The following WT1 variants were observed in gnomAD, a reference collection of about 807,000 sequenced individuals.
WT1 encodes the protein WT1 transcription factor.
In WT1, 8 loss-of-function variants were observed where a neutral mutation model predicts 60.8. The ratio of observed to expected loss-of-function variants is 0.13; its 90% CI spans 0.08 to 0.24. The LOEUF is 0.24. Among genes scored for constraint, WT1 ranks in the 10% least tolerant of loss-of-function variants. WT1 has a pLI of 1.00. For synonymous variants in WT1, 312 were observed against 297.1 expected, an observed-to-expected ratio of 1.05 and a Z score of -0.52; for missense variants, 568 against 711.8, an observed-to-expected ratio of 0.80 and a Z score of 2.30.
At position 32,400,040 on chromosome 11, in the gene WT1, T is replaced by A. The variant is rs1852103616; in HGVS notation, c.1021A>T (p.Ser341Cys). 1 of 1,614,208 alleles carries A rather than the reference T, an allele frequency of 6.2e-7. No individual in the cohort carries two copies. The highest frequency in any genetic ancestry group is 2.2e-5 in the East Asian group (1 of 44,886). The change falls in exon 6 of 10, where the codon AGC (serine) becomes TGC (cysteine). Residue 341 changes from serine to cysteine, a missense_variant. By Grantham distance (112) the Ser-to-Cys change is moderately radical (BLOSUM62 -1). Around this residue, in one of 3 missense-constraint regions of WT1, gnomAD observed 523 missense variants for 565.1 expected, o/e 0.93. Transcript: ENST00000452863. ...TGGTTATCGCTCTCGTACCCTGTGC[T>A]GTGGCTGCAAACACAAAGAAGGGAA...
At chr11:32,411,072 C>T (rs1268565675) in intron 5 of WT1, among the ~76,000 whole-genome samples, 1 of 151,586 alleles carries the variant, frequency 6.6e-6, no homozygotes, top group African/African-American at 2.4e-5. Flanking sequence ...CTCCAATACA[C>T]ACACACACAC....
Position 32,416,556 on chromosome 11 carries a change from A to T in WT1, c.966-16T>A, listed in dbSNP as rs1224574539. ...AGCAGCAACTCTAGAAAAGAAGAAG[A>T]GGTGGGGAGTGGGGAATGGAGCATG... On this transcript the variant is annotated splice_polypyrimidine_tract_variant and intron_variant, in intron 4 of 9. Coordinates refer to ENST00000452863, the MANE Select transcript of WT1 (RefSeq NM_024426.6). 29 of 1,614,024 alleles carry T rather than the reference A, an allele frequency of 1.8e-5. No individual in the cohort carries two copies. Among genetic ancestry groups the T allele is most frequent in the South Asian group, 6.6e-5 (6 of 91,078 alleles).
chr11:32,407,054 G>A (rs566953936), intron 5 of WT1, among the ~76,000 whole-genome samples: 26 of 152,118 alleles, frequency 1.7e-4, no homozygotes, highest in South Asian at 4.2e-4. Flanking sequence ...AGCCAAGATC[G>A]TACCACTGCA....
Position 32,434,642 on chromosome 11 carries a change from G to A in WT1, c.661+58C>T, listed in dbSNP as rs5030138. The A allele has an allele frequency of 1.1e-3, 1,724 of 1,610,806 alleles. 10 individuals are homozygous for A. The African/African-American group carries it at 0.019, about 18-fold the overall frequency. ...GGGTAGGAGAGGGGGGTGTCCTAGA[G>A]CGGAGAGTCCCTGGCGCCACTGCCC... is the stretch of plus-strand genomic sequence containing the variant. On this transcript the variant is annotated intron_variant, in intron 1 of 9. Coordinates refer to ENST00000452863, the MANE Select transcript of WT1 (RefSeq NM_024426.6).
chr11:32,430,491 A>G lies in WT1; in HGVS notation c.662-1872T>C, dbSNP rs986232489. 9.4e-5 allele frequency: 147 copies of G among 1,561,526 alleles called. No individual in the cohort carries two copies. In the African/African-American group the frequency reaches 1.7e-3, roughly 18 times the overall value. On this transcript the variant is annotated intron_variant, in intron 1 of 9. Transcript: ENST00000452863. ...GAGAGAGAGAGAGAGAGAGAGAGAG[A>G]CGAAATAGAAGCTACGAAGAAGTTT...
intron 5 of WT1, among the ~76,000 whole-genome samples, chr11:32,407,303 A>C (rs1852344587): frequency 6.6e-6 from 1 of 152,222 alleles, no homozygotes; most frequent in Admixed American, 6.5e-5. Context: ...CTTCTTTAGA[A>C]ATGATTAACT....
In WT1 at chr11:32,418,018, T is replaced by C. The variant is rs1165805527; in HGVS notation, c.888-364A>G. 2.6e-5 allele frequency among the ~76,000 whole-genome samples: 4 copies of C among 152,194 alleles called. No homozygotes were observed. In the East Asian group the frequency reaches 5.8e-4, roughly 22 times the overall value. On this transcript the variant is annotated intron_variant, in intron 3 of 9. Coordinates refer to ENST00000452863, the MANE Select transcript of WT1 (RefSeq NM_024426.6). The stretch of plus-strand genomic sequence containing the variant: ...AACATTAAAGTTAAAAGCCTGGAGC[T>C]GAAAGTAAAGACAGCAGATTAATTA...
At chr11:32,413,073 CT>C (rs1472911077) in intron 5 of WT1, among the ~76,000 whole-genome samples, 1 of 152,172 alleles carries the variant, frequency 6.6e-6, no homozygotes, top group Non-Finnish European at 1.5e-5. Context: ...TGTGAAGCCA[CT>C]TTTTTGAAAC....
At chr11:32,433,673 G>A (rs1853383529) in intron 1 of WT1, among the ~76,000 whole-genome samples, 2 of 152,246 alleles carry the variant, frequency 1.3e-5, no homozygotes, top group Admixed American at 6.5e-5. Context: ...AATAAATGAA[G>A]AGGGCAAACT....
intron 1 of WT1, among the ~76,000 whole-genome samples, chr11:32,434,456 C>T (rs1003730931): frequency 2.0e-5 from 3 of 152,258 alleles, no homozygotes; most frequent in Admixed American, 6.5e-5. Flanking sequence ...GACGCCCTCC[C>T]GGCTCTTGCG....
In WT1 at chr11:32,396,251, A is replaced by C. The variant is rs1366602349; in HGVS notation, c.1264+6T>G. The C allele has an allele frequency of 5.6e-6, 9 of 1,614,084 alleles. No homozygotes were observed. The highest frequency in any genetic ancestry group is 6.8e-6 in the Non-Finnish European group (8 of 1,180,042). ...TTGCCCAAGACTGGACAGCGGGCAC[A>C]CTTACCAGTGTGCTTCCTGCTGTGC... On this transcript the variant is annotated splice_donor_region_variant and intron_variant, in intron 7 of 9. Transcript: ENST00000452863.
chr11:32,412,577 C>G (rs913771310), intron 5 of WT1, among the ~76,000 whole-genome samples: 7 of 151,840 alleles, frequency 4.6e-5, no homozygotes, highest in Non-Finnish European at 1.0e-4. Context: ...CGGAAATCAG[C>G]AGCCATTGAG....
chr11:32,435,421 G>T lies in WT1; in HGVS notation c.-61C>A. ...GGGCTGCCGTCCCGGCTCTGGGTGG[G>T]TGGGTGGGTGAATGAGTAGGTGGGA... On this transcript the variant is annotated 5_prime_UTR_variant, in exon 1 of 10. Transcript: ENST00000452863. 10 of 735,332 alleles carry T rather than the reference G, an allele frequency of 1.4e-5. No individual in the cohort carries two copies. Among genetic ancestry groups the T allele is most frequent in the Non-Finnish European group, 2.0e-5 (10 of 489,852 alleles). 45.6% of individuals were successfully genotyped at this position (735,332 alleles called of 1,614,324 possible).
At chr11:32,424,662 G>A (rs1050115735) in intron 3 of WT1, among the ~76,000 whole-genome samples, 4 of 152,148 alleles carry the variant, frequency 2.6e-5, no homozygotes, top group African/African-American at 9.7e-5. Flanking sequence ...CTGATTGAAT[G>A]TATTTTCTAT....
At position 32,394,391 on chromosome 11, in the gene WT1, T is replaced by C. The variant is rs114790553; in HGVS notation, c.1265-1636A>G. On this transcript the variant is annotated intron_variant, in intron 7 of 9. Coordinates refer to ENST00000452863, the MANE Select transcript of WT1 (RefSeq NM_024426.6). ...TCTGAGAAACTTTCTCGGATGACCT[T>C]AGTTCAAACTGATACCCTCCAAACC... Among the ~76,000 whole-genome samples, 1,119 of 152,272 alleles carry C rather than the reference T, an allele frequency of 7.3e-3. 13 individuals are homozygous for C. Among genetic ancestry groups the C allele is most frequent in the African/African-American group, 0.026 (1,060 of 41,562 alleles).
intron 8 of WT1, 40 bp from the exon 9 acceptor site, chr11:32,392,104 G>A (rs1292142496): frequency 6.3e-7 from 1 of 1,583,134 alleles, no homozygotes; most frequent in Middle Eastern, 1.8e-4. Flanking sequence ...CCCTAACAAT[G>A]TGGGCACAGT....
At chr11:32,428,370 T>C (rs1448663863) in intron 2 of WT1, 127 bp downstream of exon 2, 4 of 1,492,450 alleles carry the variant, frequency 2.7e-6, no homozygotes, top group Non-Finnish European at 2.7e-6. Flanking sequence ...GCCATTGGGG[T>C]AATGATTTCT....
intron 5 of WT1, 130 bp downstream of exon 5, chr11:32,416,360 G>A (rs538495208): frequency 1.8e-6 from 2 of 1,127,246 alleles, no homozygotes; most frequent in East Asian, 2.3e-5. Context: ...GGGGGCGGGG[G>A]AGAGAGATTC....
intron 5 of WT1, among the ~76,000 whole-genome samples, chr11:32,406,999 T>C (rs3858443): frequency 0.28 from 42,561 of 151,900 alleles, 6,737 homozygotes; most frequent in East Asian, 0.68. Context: ...CTTGGGAGGC[T>C]GAGTCGAGAG....
Sources: gnomAD v4.1 joint callset for allele counts (sites outside exome capture counted in the v4.1 genomes callset) on GRCh38, gnomAD v4.1.1 for gene constraint, gnomAD v4.1.1 regional missense constraint, MANE v1.5 for transcripts, NCBI Gene and HGNC (gene_info 2026-07-23, HGNC 2026-07-21) for gene names.